The following IL12RB2 variants were observed in gnomAD, a reference collection of about 807,000 sequenced individuals.
IL12RB2 encodes the protein interleukin 12 receptor subunit beta 2, also known as interleukin-12 receptor subunit beta-2.
In IL12RB2, 82 loss-of-function variants were observed where a neutral mutation model predicts 89.4. The ratio of observed to expected loss-of-function variants is 0.92; its 90% confidence interval spans 0.77 to 1.10. The LOEUF is 1.10. Ranked by LOEUF, IL12RB2 falls within the 50% of genes least tolerant of loss-of-function variation. The pLI is 0.00. For missense variants in IL12RB2, 963 were observed against 1,031.9 expected (o/e 0.93, Z 0.92); for synonymous variants, 368 against 370.1 (o/e 0.99, Z 0.07).
chr1:67,368,993 T>A (rs1663002170), intron 11 of IL12RB2, among the ~76,000 whole-genome samples: 1 of 152,216 alleles, frequency 6.6e-6, no homozygotes, highest in Non-Finnish European at 1.5e-5. Context: ...AATGTTTCTA[T>A]AACAATCATT....
At chr1:67,334,775 G>A (rs1407163554) in intron 8 of IL12RB2, among the ~76,000 whole-genome samples, 3 of 152,180 alleles carry the variant, frequency 2.0e-5, no homozygotes, top group African/African-American at 7.2e-5. Context: ...CACCGCGCCC[G>A]GCCGGATTCT....
At chr1:67,390,455 C>CTTTTTTTTTTTTT (rs67532605) in intron 16 of IL12RB2, among the ~76,000 whole-genome samples, 3 of 107,524 alleles carry the variant, frequency 2.8e-5, no homozygotes, top group East Asian at 2.8e-4. Context: ...GCAAACTTTC[C>CTTTTTTTTTTTTT]TTTTTTTTTT....
rs1165827300 is a variant in IL12RB2 at position 67,326,767 on chromosome 1, A to C, written c.397A>C (p.Ile133Leu). 3 of 1,613,780 alleles carry C rather than the reference A, an allele frequency of 1.9e-6. No individual in the cohort carries two copies. The highest frequency in any genetic ancestry group is 2.2e-5 in the South Asian group (2 of 91,074). The stretch of plus-strand genomic sequence containing the variant: ...AGAACAGCCTCAAAATTTATCCTGC[A>C]TACAGAAGGGAGAACAGGGGACTGT... ...APEQPQNLSCIQKGEQGTVAC... is the reference protein window; with the variant it reads ...APEQPQNLSCLQKGEQGTVAC... Residue 133 changes from isoleucine (I) to leucine (L), a missense_variant, in exon 5 of 17, where the codon ATA becomes CTA. Transcript: ENST00000674203.
intron 10 of IL12RB2, among the ~76,000 whole-genome samples, chr1:67,352,200 T>C (rs1660926190): frequency 6.6e-6 from 1 of 152,192 alleles, no homozygotes; most frequent in African/African-American, 2.4e-5. Flanking sequence ...TATATGCATA[T>C]AACCTTGGGT....
intron 10 of IL12RB2, among the ~76,000 whole-genome samples, chr1:67,364,548 C>T (rs1168538286): frequency 6.6e-6 from 1 of 152,160 alleles, no homozygotes; most frequent in Non-Finnish European, 1.5e-5. Context: ...TCAGTGGTAA[C>T]TGGGAGCATT....
intron 9 of IL12RB2, among the ~76,000 whole-genome samples, chr1:67,349,648 G>C: frequency 6.6e-6 from 1 of 152,152 alleles, no homozygotes; most frequent in Non-Finnish European, 1.5e-5. Flanking sequence ...TTAAGATCTA[G>C]TTTTGGGCCT....
At chr1:67,382,751 G>T (rs1221726537) in intron 14 of IL12RB2, among the ~76,000 whole-genome samples, 1 of 142,490 alleles carries the variant, frequency 7.0e-6, no homozygotes, top group East Asian at 2.0e-4. Flanking sequence ...TATTGTCCAG[G>T]CTGGAGTATA....
chr1:67,316,345 C>T (rs886577582), intron 2 of IL12RB2, among the ~76,000 whole-genome samples: 1 of 151,882 alleles, frequency 6.6e-6, no homozygotes, highest in Non-Finnish European at 1.5e-5. Context: ...CTGAGGACCA[C>T]GTCATCATCA....
intron 9 of IL12RB2, among the ~76,000 whole-genome samples, chr1:67,348,670 A>T (rs918692442): frequency 1.8e-4 from 21 of 118,882 alleles, no homozygotes; most frequent in Admixed American, 5.8e-4. Context: ...TTAAAAAATT[A>T]AAAAAAAAAA....
At chr1:67,378,825 G>A (rs573631466) in intron 13 of IL12RB2, among the ~76,000 whole-genome samples, 2 of 145,248 alleles carry the variant, frequency 1.4e-5, no homozygotes, top group South Asian at 4.4e-4. Context: ...ACTCTAGCCT[G>A]GGTGACAGAG....
At chr1:67,347,195 A>C (rs1249431269) in intron 9 of IL12RB2, among the ~76,000 whole-genome samples, 1 of 152,244 alleles carries the variant, frequency 6.6e-6, no homozygotes, top group Non-Finnish European at 1.5e-5. Flanking sequence ...GCAGTATTCC[A>C]AAGCCAAAAT....
chr1:67,386,871 T>G (rs1427468441), intron 15 of IL12RB2, among the ~76,000 whole-genome samples: 1 of 24,370 alleles, frequency 4.1e-5, no homozygotes, highest in South Asian at 2.3e-3. Flanking sequence ...AGAAATGTAT[T>G]TTATATATAT....
Position 67,380,105 on chromosome 1 carries a change from A to G in IL12RB2, c.1837A>G (p.Arg613Gly), listed in dbSNP as rs1478650119. 2.5e-6 allele frequency: 4 copies of G among 1,614,180 alleles called. No individual in the cohort carries two copies. In the South Asian group the frequency reaches 4.4e-5, roughly 18 times the overall value. The change falls in exon 14 of 17, where the codon AGG becomes GGG. Residue 613 changes from arginine to glycine, a missense_variant. By Grantham distance (125) the Arg-to-Gly change is moderately radical. Transcript: ENST00000674203. ...TGGTGAAAGTTCCCACGGAAATGAGAGGGAATTTTGTCTGCAAGGTGAGAG... is the reference window on the plus strand; with the variant it reads ...TGGTGAAAGTTCCCACGGAAATGAGGGGGAATTTTGTCTGCAAGGTGAGAG... The part of the protein sequence containing the change: ...AAGESSHGNE[R>G]EFCLQGKANW...
intron 2 of IL12RB2, among the ~76,000 whole-genome samples, chr1:67,317,382 A>G (rs1459366120): frequency 6.6e-6 from 1 of 152,228 alleles, no homozygotes; most frequent in Non-Finnish European, 1.5e-5. Flanking sequence ...ATCTGAACTG[A>G]GATCCATCCC....
At chr1:67,344,324 C>T (rs936466513) in intron 9 of IL12RB2, among the ~76,000 whole-genome samples, 6 of 152,028 alleles carry the variant, frequency 3.9e-5, no homozygotes, top group Non-Finnish European at 8.8e-5. Flanking sequence ...ATAGAGTCTC[C>T]CTCTGTGGCC....
At chr1:67,375,706 G>A (rs1313596613) in intron 13 of IL12RB2, among the ~76,000 whole-genome samples, 1 of 152,180 alleles carries the variant, frequency 6.6e-6, no homozygotes, top group Non-Finnish European at 1.5e-5. Context: ...GTAAGGTGTA[G>A]AGCCAGGGAG....
intron 15 of IL12RB2, among the ~76,000 whole-genome samples, chr1:67,386,870 T>TTTTATATATA (rs1553128699): frequency 1.9e-4 from 22 of 116,446 alleles, no homozygotes; most frequent in African/African-American, 8.8e-4. Flanking sequence ...TAGAAATGTA[T>TTTTATATATA]TTTATATATA....
chr1:67,325,262 GT>G (rs1027363406), intron 4 of IL12RB2, among the ~76,000 whole-genome samples: 18 of 152,188 alleles, frequency 1.2e-4, no homozygotes, highest in African/African-American at 3.6e-4. Context: ...TGTTGTTGTT[GT>G]TTTTTTCTTT....
chr1:67,343,540 AG>A (rs943795058), intron 9 of IL12RB2, among the ~76,000 whole-genome samples: 2 of 152,222 alleles, frequency 1.3e-5, no homozygotes, highest in Non-Finnish European at 2.9e-5. Context: ...GGGTTGGATT[AG>A]GCCCCTTTAC....
Sources: allele counts gnomAD v4.1 joint callset (sites outside exome capture counted in the v4.1 genomes callset), GRCh38; gene constraint gnomAD v4.1.1; transcripts MANE v1.5; gene names NCBI Gene and HGNC (gene_info 2026-07-23, HGNC 2026-07-21).